The following RNF144B variants were observed in gnomAD, a reference collection of about 807,000 sequenced individuals.
RNF144B encodes E3 ubiquitin-protein ligase RNF144B.
Under a neutral mutation model 40.2 loss-of-function variants are expected in RNF144B, and 25 were observed. The observed-to-expected ratio is 0.62, with a 90% CI of 0.45 to 0.87. The LOEUF is 0.87. Ranked by LOEUF, RNF144B falls within the 40% of genes least tolerant of loss-of-function variation. The pLI is 0.00. For synonymous variants in RNF144B, 145 were observed against 136.3 expected, an observed-to-expected ratio of 1.06 and a Z score of -0.44; for missense variants, 365 against 373.7, an observed-to-expected ratio of 0.98 and a Z score of 0.19.
At position 18,387,630 on chromosome 6, in the gene RNF144B, G is replaced by A; in HGVS notation, c.-37G>A. On this transcript the variant is annotated splice_region_variant and 5_prime_UTR_variant, in exon 1 of 8. Transcript: ENST00000259939. ...ACGGAGGAACGCAGGTCTGCTGCCA[G>A]GTAGGTTTAGCGAGCTTTTTAAAGG... 1 of 1,301,276 alleles carries A rather than the reference G, an allele frequency of 7.7e-7. No homozygotes were observed. 80.6% of individuals were successfully genotyped at this position (1,301,276 alleles called of 1,614,324 possible).
chr6:18,399,801 A>G, intron 2 of RNF144B, 102 bp downstream of exon 2: 2 of 871,070 alleles, frequency 2.3e-6, no homozygotes, highest in Admixed American at 2.5e-5. Context: ...AGTGTGCTAC[A>G]ATATGATCCT....
intron 2 of RNF144B, among the ~76,000 whole-genome samples, chr6:18,421,943 A>T (rs1005635742): frequency 6.6e-6 from 1 of 152,084 alleles, no homozygotes; most frequent in African/African-American, 2.4e-5. Context: ...TTTTTCCTTT[A>T]ATCATTTGGT....
chr6:18,466,520 G>A lies in RNF144B; in HGVS notation c.*1453G>A, dbSNP rs1370947120. 6 of 152,658 alleles carry A rather than the reference G, an allele frequency of 3.9e-5. No homozygotes were observed. Among genetic ancestry groups the A allele is most frequent in the East Asian group, 1.9e-4 (1 of 5,188 alleles). 9.5% of individuals were successfully genotyped at this position (152,658 alleles called of 1,614,324 possible). On this transcript the variant is annotated 3_prime_UTR_variant, in exon 8 of 8. Coordinates refer to ENST00000259939, the MANE Select transcript of RNF144B (RefSeq NM_182757.4). ...ATACCATTAGTCAGATTTGAATAAC[G>A]AGGTTTTGAAAGGATAAAACCTTTT...
chr6:18,416,613 A>G lies in RNF144B; in HGVS notation c.166-10968A>G, dbSNP rs183848542. On this transcript the variant is annotated intron_variant, in intron 2 of 7. Transcript: ENST00000259939. The surrounding 1 kb of genome is among the most constrained non-coding windows in gnomAD (Gnocchi z 5.5). Reference sequence around the variant, plus strand: ...CAAACTTACAAGGTGGATCTTAGTAATCTTTTCCAGAAAATGTAACGGCAC... The same window carrying G: ...CAAACTTACAAGGTGGATCTTAGTAGTCTTTTCCAGAAAATGTAACGGCAC... Among the ~76,000 whole-genome samples, 75 of 152,316 alleles carry G rather than the reference A, an allele frequency of 4.9e-4. No individual in the cohort carries two copies. In the East Asian group the frequency reaches 6.2e-3, roughly 13 times the overall value.
chr6:18,413,107 T>C (rs1795079564), intron 2 of RNF144B, among the ~76,000 whole-genome samples: 1 of 152,196 alleles, frequency 6.6e-6, no homozygotes, highest in Admixed American at 6.5e-5. Flanking sequence ...CCAGGATCTG[T>C]AATGTTAATC....
chr6:18,388,190 A>G (rs541741660), intron 1 of RNF144B, among the ~76,000 whole-genome samples: 145 of 152,314 alleles, frequency 9.5e-4, no homozygotes, highest in Non-Finnish European at 1.2e-3. Context: ...AAGATTTCCC[A>G]GAAATTAATT....
chr6:18,458,426 C>T lies in RNF144B; in HGVS notation c.536+1067C>T, dbSNP rs758675483. On this transcript the variant is annotated intron_variant, in intron 5 of 7. Coordinates refer to ENST00000259939, the MANE Select transcript of RNF144B (RefSeq NM_182757.4). This position sits in a 1 kb window ranked among gnomAD's most constrained non-coding sequence, Gnocchi z 4.8. ...CCAGGCTTCATGAATAGTAATGCTA[C>T]TTGGCTACGATGCTGTGCTTGAATC... Among the ~76,000 whole-genome samples, 5 of 152,096 alleles carry T rather than the reference C, an allele frequency of 3.3e-5. No homozygotes were observed. Among genetic ancestry groups the T allele is most frequent in the Non-Finnish European group, 7.4e-5 (5 of 68,008 alleles).
Position 18,464,809 on chromosome 6 carries a change from C to A in RNF144B, c.772-118C>A. Reference sequence around the variant, plus strand: ...TCACATCGGGGATTTAGGGTTTCAACATATGAGCTTCAGGGGGACACAAAC... The same window carrying A: ...TCACATCGGGGATTTAGGGTTTCAAAATATGAGCTTCAGGGGGACACAAAC... On this transcript the variant is annotated intron_variant, in intron 7 of 7. Transcript: ENST00000259939. The surrounding 1 kb of genome is among the most constrained non-coding windows in gnomAD (Gnocchi z 6.1). 1.0e-6 allele frequency: 1 copy of A among 976,352 alleles called. No homozygotes were observed. Among genetic ancestry groups the A allele is most frequent in the Non-Finnish European group, 1.5e-6 (1 of 646,840 alleles). The allele number at this position is 976,352 out of a possible 1,614,324, so 60.5% of individuals were successfully genotyped here.
rs1366120499 is a variant in RNF144B at position 18,442,310 on chromosome 6, C to G, written c.331+2566C>G. Among the ~76,000 whole-genome samples the G allele has an allele frequency of 6.6e-6, 1 of 152,196 alleles. No homozygotes were observed. Among genetic ancestry groups the G allele is most frequent in the African/African-American group, 2.4e-5 (1 of 41,448 alleles). On this transcript the variant is annotated intron_variant, in intron 4 of 7. Coordinates refer to ENST00000259939, the MANE Select transcript of RNF144B (RefSeq NM_182757.4). The surrounding 1 kb of genome is among the most constrained non-coding windows in gnomAD (Gnocchi z 4.3). ...TGGTGATGCATATTTCTACTTTGCT[C>G]TGTTACAAATTGATGAAATAGTTTT...
chr6:18,462,186 A>G (rs1042390518), intron 6 of RNF144B, among the ~76,000 whole-genome samples: 1 of 152,140 alleles, frequency 6.6e-6, no homozygotes, highest in Non-Finnish European at 1.5e-5. Flanking sequence ...AAAAAAGCCT[A>G]ATCACCTCTT....
intron 2 of RNF144B, among the ~76,000 whole-genome samples, chr6:18,411,484 TATATATA>T (rs1440251209): frequency 0.055 from 2,038 of 37,200 alleles, 103 homozygotes; most frequent in East Asian, 0.14. Flanking sequence ...TATATATATA[TATATATA>T]TATATATTTT....
intron 2 of RNF144B, among the ~76,000 whole-genome samples, chr6:18,420,806 C>T (rs1582416661): frequency 6.6e-6 from 1 of 152,096 alleles, no homozygotes; most frequent in African/African-American, 2.4e-5. Context: ...AGAATTGGAA[C>T]TTAATATCAA....
In RNF144B at chr6:18,416,749, G is replaced by A. The variant is rs1582413631; in HGVS notation, c.166-10832G>A. ...TTCTTTTGGAACTAGCTGAATGCTT[G>A]TATTCTCTATGGAGAGGTTGGGTAG... On this transcript the variant is annotated intron_variant, in intron 2 of 7. Coordinates refer to ENST00000259939, the MANE Select transcript of RNF144B (RefSeq NM_182757.4). This position sits in a 1 kb window ranked among gnomAD's most constrained non-coding sequence, Gnocchi z 5.5. Among the ~76,000 whole-genome samples, 1 of 152,308 alleles carries A rather than the reference G, an allele frequency of 6.6e-6. No individual in the cohort carries two copies. Among genetic ancestry groups the A allele is most frequent in the East Asian group, 1.9e-4 (1 of 5,188 alleles).
Position 18,412,824 on chromosome 6 carries a change from C to T in RNF144B, c.165+13125C>T, listed in dbSNP as rs970739189. 1.3e-5 allele frequency among the ~76,000 whole-genome samples: 2 copies of T among 152,238 alleles called. No homozygotes were observed. The highest frequency in any genetic ancestry group is 3.9e-4 in the East Asian group (2 of 5,182). The stretch of plus-strand genomic sequence containing the variant: ...ATGGCTCTGTGTTAACTGAAAGCCT[C>T]CATGGTTTTGAATCATTTCCCACCC... On this transcript the variant is annotated intron_variant, in intron 2 of 7. Coordinates refer to ENST00000259939, the MANE Select transcript of RNF144B (RefSeq NM_182757.4). This position sits in a 1 kb window ranked among gnomAD's most constrained non-coding sequence, Gnocchi z 4.2.
intron 4 of RNF144B, among the ~76,000 whole-genome samples, chr6:18,454,302 A>C (rs954627214): frequency 6.6e-6 from 1 of 152,224 alleles, no homozygotes; most frequent in East Asian, 1.9e-4. Flanking sequence ...GGGAAAGAAT[A>C]TCTCTAGAAT....
At chr6:18,399,175 C>G (rs1226788343) in intron 1 of RNF144B, among the ~76,000 whole-genome samples, 2 of 152,140 alleles carry the variant, frequency 1.3e-5, no homozygotes, top group African/African-American at 4.8e-5. Context: ...TGAGAGCTCC[C>G]CAGAACTTAT....
intron 1 of RNF144B, among the ~76,000 whole-genome samples, chr6:18,394,613 G>GAA (rs67659754): frequency 7.5e-6 from 1 of 132,536 alleles, no homozygotes. Context: ...CCCCAACCAA[G>GAA]AAAAAAAAAA....
At chr6:18,462,662 G>GT (rs5874643) in intron 6 of RNF144B, among the ~76,000 whole-genome samples, 55,642 of 146,248 alleles carry the variant, frequency 0.38, 10,816 homozygotes, top group East Asian at 0.56. Flanking sequence ...TGAGGTCCAA[G>GT]TTTTTTTTTT....
intron 1 of RNF144B, chr6:18,396,438 T>C: frequency 1.0e-6 from 1 of 982,808 alleles, no homozygotes; most frequent in Non-Finnish European, 1.2e-6. Flanking sequence ...AGAGTAAGAC[T>C]GAGAAATACT....
Sources: allele counts gnomAD v4.1 joint callset (sites outside exome capture counted in the v4.1 genomes callset), GRCh38; gene constraint gnomAD v4.1.1; non-coding constraint Gnocchi (gnomAD v3.1); transcripts MANE v1.5; gene names NCBI Gene and HGNC (gene_info 2026-07-23, HGNC 2026-07-21).